KIAA1217: variants seen among roughly 807,000 people sequenced by gnomAD.
KIAA1217 encodes the protein sickle tail protein homolog.
KIAA1217 carries 88 observed loss-of-function variants against 163.9 expected under a neutral mutation model. The observed-to-expected ratio is 0.54, with a 90% CI of 0.45 to 0.64. The LOEUF (loss-of-function observed/expected upper bound fraction) is 0.64. Among genes scored for constraint, KIAA1217 ranks in the 30% least tolerant of loss-of-function variants. The probability of loss-of-function intolerance (pLI) is 0.00; values close to 1 mark genes in which losing one functional copy is unlikely to be tolerated. For missense variants in KIAA1217, 2,372 were observed against 2,475.0 expected (o/e 0.96, Z 0.88); for synonymous variants, 903 against 923.1 (o/e 0.98, Z 0.39).
intron 1 of KIAA1217, 58 bp from the exon 2 acceptor site, chr10:24,219,568 C>G: frequency 7.0e-7 from 1 of 1,423,714 alleles, no homozygotes; most frequent in Non-Finnish European, 9.4e-7. Context: ...TGGTGTTCTG[C>G]AAATGAGACT....
At chr10:24,432,601 A>G (rs1374480705) in intron 3 of KIAA1217, among the ~76,000 whole-genome samples, 1 of 150,026 alleles carries the variant, frequency 6.7e-6, no homozygotes, top group South Asian at 2.1e-4. Context: ...GACTACAGTC[A>G]TGTGCCACCA....
chr10:24,495,035 G>T, intron 7 of KIAA1217, 112 bp from the exon 8 acceptor site: 1 of 858,410 alleles, frequency 1.2e-6, no homozygotes, highest in South Asian at 1.7e-5. Flanking sequence ...TACCTTCATT[G>T]CTTAATCCCA....
At chr10:23,899,625 C>G (rs1457726621) in intron 1 of KIAA1217, among the ~76,000 whole-genome samples, 1 of 152,060 alleles carries the variant, frequency 6.6e-6, no homozygotes, top group Non-Finnish European at 1.5e-5. Context: ...TGAGCACTGC[C>G]CTCAAATCTT....
At chr10:24,154,216 C>T (rs1336740324) in intron 2 of KIAA1217, among the ~76,000 whole-genome samples, 1 of 151,982 alleles carries the variant, frequency 6.6e-6, no homozygotes, top group Non-Finnish European at 1.5e-5. Context: ...CTCGGCCTCC[C>T]AAAGTGCTGG....
intron 1 of KIAA1217, among the ~76,000 whole-genome samples, chr10:23,702,144 TA>T (rs1331495278): frequency 6.6e-6 from 1 of 152,122 alleles, no homozygotes; most frequent in African/African-American, 2.4e-5. Flanking sequence ...CCAACAACCT[TA>T]AAGTGCAGCA....
At chr10:24,383,269 A>G (rs574381390) in intron 3 of KIAA1217, among the ~76,000 whole-genome samples, 7 of 152,306 alleles carry the variant, frequency 4.6e-5, no homozygotes, top group Admixed American at 2.0e-4. Context: ...TCTGCAAACC[A>G]AAACGAAGAT....
At chr10:24,178,614 T>G (rs2066018931) in intron 2 of KIAA1217, among the ~76,000 whole-genome samples, 1 of 152,234 alleles carries the variant, frequency 6.6e-6, no homozygotes, top group Admixed American at 6.5e-5. Flanking sequence ...AAAGCAGACA[T>G]AAAATAAGTA....
At chr10:24,066,971 C>T (rs1028015294) in intron 2 of KIAA1217, among the ~76,000 whole-genome samples, 40 of 152,220 alleles carry the variant, frequency 2.6e-4, no homozygotes, top group Non-Finnish European at 4.1e-4. Context: ...ACGTAGTTCT[C>T]ATGCCATGGT....
intron 1 of KIAA1217, among the ~76,000 whole-genome samples, chr10:23,790,851 A>G (rs955292592): frequency 6.6e-6 from 1 of 151,762 alleles, no homozygotes; most frequent in Non-Finnish European, 1.5e-5. Flanking sequence ...GTCCTGCCTC[A>G]GCACCCCCCA....
chr10:23,903,338 A>C (rs1036979775), intron 1 of KIAA1217, among the ~76,000 whole-genome samples: 2 of 152,170 alleles, frequency 1.3e-5, no homozygotes, highest in Admixed American at 6.5e-5. Flanking sequence ...TTTTCTCACT[A>C]TCTCAAGGTT....
intron 1 of KIAA1217, among the ~76,000 whole-genome samples, chr10:23,766,777 C>T (rs1478887572): frequency 3.3e-5 from 5 of 151,800 alleles, no homozygotes; most frequent in South Asian, 2.1e-4. Flanking sequence ...TTAGCGGAGA[C>T]GGGGTTTCAC....
In KIAA1217 at chr10:23,797,091, A is replaced by G. The variant is rs543734722; in HGVS notation, c.-321+101857A>G. Among the ~76,000 whole-genome samples, 157 of 152,292 alleles carry G rather than the reference A, an allele frequency of 1.0e-3. 1 individual carries two copies. Among genetic ancestry groups the G allele is most frequent in the Middle Eastern group, 3.4e-3 (1 of 294 alleles). On this transcript the variant is annotated intron_variant, in intron 1 of 18. Transcript: ENST00000376462. ...GGCTAGTCTCAAACTCATGGCCTCA[A>G]GCGATCCCCCTGCTTTGGCCTCTCA...
chr10:24,228,840 A>G (rs1275681831), intron 2 of KIAA1217, among the ~76,000 whole-genome samples: 1 of 152,354 alleles, frequency 6.6e-6, no homozygotes, highest in South Asian at 2.1e-4. Context: ...CTTTATCTGT[A>G]CAATGACGTC....
Position 24,533,184 on chromosome 10 carries a change from A to T in KIAA1217, c.3361A>T (p.Lys1121Ter). The change falls in exon 16 of 21, where the codon AAG becomes TAG. Residue 1121 changes from lysine to a stop codon, truncating the protein, a stop_gained. Coordinates refer to ENST00000376454, the MANE Select transcript of KIAA1217 (RefSeq NM_019590.5). LOFTEE classifies it high-confidence loss of function. ...SPPPVTTSSS[K>*]DEEEEEEEGD... is the part of the protein sequence containing the mutation. ...ACCGCCTGTCACCACCTCCTCCTCAAAGGATGAGGAGGAAGAAGAAGAAGA... is the reference window on the plus strand; with the variant it reads ...ACCGCCTGTCACCACCTCCTCCTCATAGGATGAGGAGGAAGAAGAAGAAGA... 3.1e-6 allele frequency: 5 copies of T among 1,613,334 alleles called. No homozygotes were observed. The highest frequency in any genetic ancestry group is 4.2e-6 in the Non-Finnish European group (5 of 1,179,686).
At chr10:24,297,177 A>G (rs2040722904) in intron 2 of KIAA1217, among the ~76,000 whole-genome samples, 1 of 152,214 alleles carries the variant, frequency 6.6e-6, no homozygotes, top group Non-Finnish European at 1.5e-5. Flanking sequence ...CATATTGTGA[A>G]AATTTTGGGG....
chr10:23,866,635 G>A (rs1223257357), intron 1 of KIAA1217, among the ~76,000 whole-genome samples: 1 of 151,860 alleles, frequency 6.6e-6, no homozygotes, highest in African/African-American at 2.4e-5. Flanking sequence ...GCTTGGGAGA[G>A]AAGGTGCCAT....
intron 2 of KIAA1217, among the ~76,000 whole-genome samples, chr10:24,309,031 G>C (rs934134704): frequency 2.6e-5 from 4 of 151,348 alleles, no homozygotes; most frequent in African/African-American, 9.7e-5. Flanking sequence ...GCTGAGGTCG[G>C]AGGATCACTT....
At chr10:24,125,596 G>A (rs2063445558) in intron 2 of KIAA1217, among the ~76,000 whole-genome samples, 1 of 151,828 alleles carries the variant, frequency 6.6e-6, no homozygotes, top group African/African-American at 2.4e-5. Flanking sequence ...GAGTATCAAA[G>A]TAGTCCAAGA....
At chr10:24,159,776 C>A (rs1182546442) in intron 2 of KIAA1217, among the ~76,000 whole-genome samples, 1 of 151,860 alleles carries the variant, frequency 6.6e-6, no homozygotes, top group Non-Finnish European at 1.5e-5. Flanking sequence ...GAGCTAGACT[C>A]CGTCTCAAAA....
Sources: allele counts gnomAD v4.1 joint callset (sites outside exome capture counted in the v4.1 genomes callset), GRCh38; gene constraint gnomAD v4.1.1; transcripts MANE v1.5; gene names NCBI Gene and HGNC (gene_info 2026-07-23, HGNC 2026-07-21).